The following NIFK variants were observed in gnomAD, a reference collection of about 807,000 sequenced individuals.
The protein encoded by NIFK is nucleolar protein interacting with the FHA domain of MKI67, also known as MKI67 FHA domain-interacting nucleolar phosphoprotein.
NIFK carries 16 observed loss-of-function variants against 31.7 expected under a neutral mutation model. The observed-to-expected ratio is 0.50, with a 90% CI of 0.34 to 0.77. NIFK has a LOEUF of 0.77. Among genes scored for constraint, NIFK ranks in the 30% least tolerant of loss-of-function variants. The probability of loss-of-function intolerance (pLI) is 0.01; values close to 1 mark genes in which losing one functional copy is unlikely to be tolerated. For synonymous variants in NIFK, 126 were observed against 123.0 expected, an observed-to-expected ratio of 1.02 and a Z score of -0.16; for missense variants, 341 against 350.4, an observed-to-expected ratio of 0.97 and a Z score of 0.21.
rs1314078162 is a variant in NIFK at position 121,735,673 on chromosome 2, G to C, written c.183C>G (p.Ile61Met). Reference protein sequence around the residue: ...HLPNLLDETQIFSYFSQFGTV... With the variant: ...HLPNLLDETQMFSYFSQFGTV... ...TGCCAAACTGGGAGAAATATGAAAA[G>C]ATCTGGGTTTCGTCAAGTAGGTTAG... The change falls in exon 2 of 7, where the codon ATC becomes ATG. Residue 61 changes from isoleucine to methionine, a missense_variant. Physicochemically the swap from Ile to Met is conservative, Grantham distance 10. Coordinates refer to ENST00000285814, the MANE Select transcript of NIFK (RefSeq NM_032390.5). 6.2e-7 allele frequency: 1 copy of C among 1,612,868 alleles called. No homozygotes were observed. The highest frequency in any genetic ancestry group is 2.2e-5 in the East Asian group (1 of 44,884).
At chr2:121,733,186 C>T (rs1360135318) in intron 2 of NIFK, among the ~76,000 whole-genome samples, 1 of 152,120 alleles carries the variant, frequency 6.6e-6, no homozygotes, top group Non-Finnish European at 1.5e-5. Flanking sequence ...CGAGACCAGC[C>T]TGGCCAAAAT....
intron 2 of NIFK, among the ~76,000 whole-genome samples, chr2:121,733,190 C>T (rs1156393303): frequency 3.3e-5 from 5 of 151,914 alleles, no homozygotes; most frequent in Non-Finnish European, 7.4e-5. Flanking sequence ...ACCAGCCTGG[C>T]CAAAATGGTG....
intron 2 of NIFK, among the ~76,000 whole-genome samples, chr2:121,732,615 C>T (rs2074549906): frequency 6.6e-6 from 1 of 152,196 alleles, no homozygotes; most frequent in Non-Finnish European, 1.5e-5. Context: ...TGAGTCTCAG[C>T]TTAATTATCT....
Position 121,728,511 on chromosome 2 carries a change from G to A in NIFK, c.590C>T (p.Ser197Leu). 1.3e-6 allele frequency: 2 copies of A among 1,583,746 alleles called. No homozygotes were observed. Among genetic ancestry groups the A allele is most frequent in the Non-Finnish European group, 1.7e-6 (2 of 1,168,388 alleles). Residue 197 changes from serine (S) to leucine (L), a missense_variant, in exon 5 of 7, where the codon TCA (serine) becomes TTA (leucine). Transcript: ENST00000285814. ...SLILQKTESI[S>L]KTNRQTSTKG... ...TGTAGACGTCTGACGATTAGTTTTT[G>A]AAATACTTTCCGTTTTCTGTAAAAT...
chr2:121,734,153 A>G (rs1488797004), intron 2 of NIFK, among the ~76,000 whole-genome samples: 1 of 151,892 alleles, frequency 6.6e-6, no homozygotes, highest in Non-Finnish European at 1.5e-5. Context: ...AAAATTAGCC[A>G]GGTGCAGTGG....
rs1228226670 is a variant in NIFK at position 121,727,464 on chromosome 2, C to T, written c.*260G>A. The T allele has an allele frequency of 6.4e-6, 4 of 623,762 alleles. No homozygotes were observed. Among genetic ancestry groups the T allele is most frequent in the Admixed American group, 2.1e-5 (1 of 47,230 alleles). 38.6% of individuals were successfully genotyped at this position (623,762 alleles called of 1,614,324 possible). ...TCCAGGCAGAGTAAACTAAGGAGAG[C>T]TATGAAATATCAAAAGAAAACTAGA... is the stretch of plus-strand genomic sequence containing the variant. On this transcript the variant is annotated 3_prime_UTR_variant, in exon 7 of 7. Coordinates refer to ENST00000285814, the MANE Select transcript of NIFK (RefSeq NM_032390.5).
At position 121,727,263 on chromosome 2, in the gene NIFK, A is replaced by G. The variant is rs2074497596; in HGVS notation, c.*461T>C. On this transcript the variant is annotated 3_prime_UTR_variant, in exon 7 of 7. Transcript: ENST00000285814. ...AACTGGAACTGCCTTCTCACTCTAC[A>G]TATAATTAAACTTCCAGCTTCAACC... 1.4e-5 allele frequency: 5 copies of G among 365,720 alleles called. No homozygotes were observed. The highest frequency in any genetic ancestry group is 7.6e-5 in the Admixed American group (2 of 26,382). 22.7% of individuals were successfully genotyped at this position (365,720 alleles called of 1,614,324 possible).
intron 2 of NIFK, among the ~76,000 whole-genome samples, chr2:121,734,318 AATG>A (rs1297318973): frequency 2.0e-5 from 3 of 152,290 alleles, no homozygotes; most frequent in Admixed American, 1.3e-4. Context: ...AGTAATGAGC[AATG>A]ATGATAACAA....
At chr2:121,734,597 C>A (rs1017672402) in intron 2 of NIFK, among the ~76,000 whole-genome samples, 1 of 152,112 alleles carries the variant, frequency 6.6e-6, no homozygotes, top group East Asian at 1.9e-4. Context: ...TCGAGACCAG[C>A]CTGGCCAACA....
Position 121,731,104 on chromosome 2 carries a change from C to A in NIFK, c.353G>T (p.Cys118Phe). The change falls in exon 4 of 7, where the codon TGT becomes TTT. Residue 118 changes from cysteine to phenylalanine, a missense_variant and splice_region_variant. Physicochemically the swap from Cys to Phe is radical, Grantham distance 205. Coordinates refer to ENST00000285814, the MANE Select transcript of NIFK (RefSeq NM_032390.5). ...NYLFGERLLECHFMPPEKVHK... is the reference protein window; with the variant it reads ...NYLFGERLLEFHFMPPEKVHK... ...TACTTTTTCAGGTGGCATAAAATGA[C>A]CTATTTTCAAAAAGAAAAAAACATA... 1.9e-6 allele frequency: 3 copies of A among 1,539,464 alleles called. No homozygotes were observed. The highest frequency in any genetic ancestry group is 2.6e-6 in the Non-Finnish European group (3 of 1,135,180).
intron 1 of NIFK, 111 bp downstream of exon 1, chr2:121,736,635 A>G: frequency 1.2e-6 from 1 of 865,728 alleles, no homozygotes. Context: ...GAGGTAATGA[A>G]GGCGAGCACG....
chr2:121,727,824 AT>A lies in NIFK; in HGVS notation c.781del (p.Ile261Ter). On this transcript the variant is annotated frameshift_variant, in exon 7 of 7. Coordinates refer to ENST00000285814, the MANE Select transcript of NIFK (RefSeq NM_032390.5). LOFTEE classifies it low-confidence loss of function (END_TRUNC). ...ACAGGATATGGGCTGTTTGAAAACT[AT>A]TTCATCATCTTTATCATCATCATTC... ...ELNDDDKDDEIVFKQPISCVK... is the reference protein window; with the variant it reads ...ELNDDDKDDEXVFKQPISCVK... The A allele has an allele frequency of 6.2e-7, 1 of 1,612,556 alleles. No homozygotes were observed. The highest frequency in any genetic ancestry group is 1.1e-5 in the South Asian group (1 of 90,530).
chr2:121,731,057 A>G lies in NIFK; in HGVS notation c.400T>C (p.Trp134Arg). 6.2e-7 allele frequency: 1 copy of G among 1,608,668 alleles called. No homozygotes were observed. Among genetic ancestry groups the G allele is most frequent in the South Asian group, 1.1e-5 (1 of 89,738 alleles). The stretch of plus-strand genomic sequence containing the variant: ...GATGGCTGCTTAAATGGAATATTCC[A>G]GTCTTTAAAGAGTTCTTTATGTACT... ...EKVHKELFKDWNIPFKQPSYP... is the reference protein window; with the variant it reads ...EKVHKELFKDRNIPFKQPSYP... The change falls in exon 4 of 7, where the codon TGG becomes CGG. Residue 134 changes from tryptophan to arginine, a missense_variant. By Grantham distance (101) the Trp-to-Arg change is moderately radical (BLOSUM62 -3). Transcript: ENST00000285814.
intron 2 of NIFK, 90 bp downstream of exon 2, chr2:121,735,523 G>C (rs940597455): frequency 9.7e-6 from 13 of 1,340,212 alleles, no homozygotes; most frequent in African/African-American, 1.4e-5. Flanking sequence ...AATCTGATAA[G>C]CAATAATGTA....
chr2:121,727,936 T>C (rs778026705), intron 6 of NIFK, 24 bp from the exon 7 acceptor site: 8 of 1,561,876 alleles, frequency 5.1e-6, no homozygotes, highest in Non-Finnish European at 6.0e-6. Flanking sequence ...GTAAAGATTA[T>C]AATACATAAA....
chr2:121,728,453 G>A (rs373375064), intron 5 of NIFK, 24 bp downstream of exon 5: 14 of 1,548,368 alleles, frequency 9.0e-6, no homozygotes, highest in African/African-American at 6.9e-5. Flanking sequence ...TATCTTGCAT[G>A]TAAAATGATA....
chr2:121,728,566 C>T (rs1229960825), intron 4 of NIFK, 30 bp from the exon 5 acceptor site: 10 of 1,271,952 alleles, frequency 7.9e-6, no homozygotes, highest in East Asian at 2.3e-5. Context: ...AATTGACACT[C>T]ATATCTTTTC....
chr2:121,729,143 T>C (rs909056372), intron 4 of NIFK, among the ~76,000 whole-genome samples: 3 of 151,920 alleles, frequency 2.0e-5, no homozygotes, highest in Non-Finnish European at 2.9e-5. Context: ...GGGTGGATCA[T>C]GAGGTCAGGA....
intron 4 of NIFK, among the ~76,000 whole-genome samples, chr2:121,729,187 A>C (rs2074518220): frequency 6.6e-6 from 1 of 151,764 alleles, no homozygotes; most frequent in African/African-American, 2.4e-5. Context: ...TGGTGATGAA[A>C]CCCTATCTCT....
Sources: allele counts gnomAD v4.1 joint callset (sites outside exome capture counted in the v4.1 genomes callset), GRCh38; gene constraint gnomAD v4.1.1; transcripts MANE v1.5; gene names NCBI Gene and HGNC (gene_info 2026-07-23, HGNC 2026-07-21).